The following PIGN variants were observed in gnomAD, a reference collection of about 807,000 sequenced individuals.
PIGN encodes the protein phosphatidylinositol glycan anchor biosynthesis class N.
A neutral mutation model predicts 125.4 loss-of-function variants in PIGN; 117 were observed. The ratio of observed to expected loss-of-function variants is 0.93; its 90% CI spans 0.80 to 1.09. PIGN has a LOEUF of 1.09. PIGN is among the 50% of genes least tolerant of loss of function. PIGN has a pLI of 0.00. For missense variants in PIGN, 1,075 were observed against 1,094.9 expected (o/e 0.98, Z 0.26); for synonymous variants, 392 against 377.8 (o/e 1.04, Z -0.44).
chr18:62,070,230 C>T (rs906471860), intron 30 of PIGN: 6 of 393,652 alleles, frequency 1.5e-5, no homozygotes, highest in Admixed American at 8.8e-5. Flanking sequence ...CAAACCCAGG[C>T]GCTCTGGTTT....
chr18:62,135,970 A>C (rs1285420920), intron 14 of PIGN: 4 of 152,188 alleles, frequency 2.6e-5, no homozygotes. Flanking sequence ...ATTTGGTTAT[A>C]GTTTGCCTGT....
chr18:62,139,005 A>G lies in PIGN; in HGVS notation c.1094T>C (p.Val365Ala), dbSNP rs765092372. The change falls in exon 13 of 31, where the codon GTA becomes GCA. Residue 365 changes from valine (V) to alanine (A), a missense_variant. Transcript: ENST00000640252. The stretch of plus-strand genomic sequence containing the variant: ...TACCTTGAACTGTTCAAGAATCTGT[A>G]CTGCATTTGTAAACATGCTCTCTGC... The part of the protein sequence containing the change: ...FKAESMFTNA[V>A]QILEQFKVKM... 1.6e-5 allele frequency: 26 copies of G among 1,607,344 alleles called. No homozygotes were observed. The South Asian group carries it at 2.9e-4, about 18-fold the overall frequency.
chr18:62,157,147 G>A lies in PIGN; in HGVS notation c.424C>T (p.Leu142=). Residue 142 remains leucine, a synonymous_variant, in exon 6 of 31, where the codon CTG becomes TTG. Transcript: ENST00000640252. ...CTCTTACCTTTGGCAAACATAGGCAGGATATCTGGGCTTCCCCAGCTCCAT... is the reference window on the plus strand; with the variant it reads ...CTCTTACCTTTGGCAAACATAGGCAAGATATCTGGGCTTCCCCAGCTCCAT... ...YTWSWGSPDI[L]PMFAKGASGD... is the part of the protein sequence containing the mutation. 1.3e-6 allele frequency: 2 copies of A among 1,599,800 alleles called. No individual in the cohort carries two copies. Among genetic ancestry groups the A allele is most frequent in the Non-Finnish European group, 1.7e-6 (2 of 1,169,152 alleles).
rs566745251 is a variant in PIGN, at chr18:62,077,745, T to C, written c.2577-2924A>G. Among the ~76,000 whole-genome samples, 98 of 152,316 alleles carry C rather than the reference T, an allele frequency of 6.4e-4. No homozygotes were observed. The Middle Eastern group carries it at 0.048, about 74-fold the overall frequency. On this transcript the variant is annotated intron_variant, in intron 28 of 30. Transcript: ENST00000640252. ...GCTTTAAATGAAATTAAAGATATAA[T>C]CTCTCCCCTTATGGAGTTCACAAGG... is the stretch of plus-strand genomic sequence containing the variant.
At chr18:62,084,733 T>C (rs937086909) in intron 26 of PIGN, 127 bp from the exon 27 acceptor site, 2 of 691,538 alleles carry the variant, frequency 2.9e-6, no homozygotes, top group Non-Finnish European at 5.1e-6. Context: ...AAACATCATA[T>C]TATGAAGCCA....
chr18:62,120,402 GTC>G lies in PIGN; in HGVS notation c.1173-5765_1173-5764del, dbSNP rs2035258117. ...TTCAAACAAATAACAACAGAAAAAT[GTC>G]TTTCACTGGCAAATACCCTTGAAAA... On this transcript the variant is annotated intron_variant, in intron 14 of 30. Transcript: ENST00000640252. 1.3e-5 allele frequency among the ~76,000 whole-genome samples: 2 copies of G among 152,034 alleles called. 1 individual carries two copies. The highest frequency in any genetic ancestry group is 4.1e-4 in the South Asian group (2 of 4,820).
chr18:62,100,718 T>C (rs1247988638), intron 22 of PIGN, among the ~76,000 whole-genome samples: 1 of 152,208 alleles, frequency 6.6e-6, no homozygotes, highest in East Asian at 1.9e-4. Context: ...ATTTAAACAT[T>C]TCCCAGTCCC....
At position 62,077,577 on chromosome 18, in the gene PIGN, T is replaced by C. The variant is rs774999872; in HGVS notation, c.2577-2756A>G. 7.9e-5 allele frequency among the ~76,000 whole-genome samples: 12 copies of C among 152,336 alleles called. No individual in the cohort carries two copies. In the South Asian group the frequency reaches 8.3e-4, roughly 11 times the overall value. ...GTCTTAGCCTCAGTTTCCTTATCTA[T>C]AAAATGGTTGTAATAATATCTATAT... is the stretch of plus-strand genomic sequence containing the variant. On this transcript the variant is annotated intron_variant, in intron 28 of 30. Transcript: ENST00000640252.
Position 62,072,668 on chromosome 18 carries a change from T to C in PIGN, c.2672+5A>G. 1 of 1,601,916 alleles carries C rather than the reference T, an allele frequency of 6.2e-7. No homozygotes were observed. The highest frequency in any genetic ancestry group is 1.1e-5 in the South Asian group (1 of 89,282). On this transcript the variant is annotated splice_donor_5th_base_variant and intron_variant, in intron 30 of 30. Coordinates refer to ENST00000640252, the MANE Select transcript of PIGN (RefSeq NM_176787.5). ...TTAAGCAATGCATGACCATATATAC[T>C]ATACCTTGTCCCAATATCAAGCCAG... is the stretch of plus-strand genomic sequence containing the variant.
intron 14 of PIGN, among the ~76,000 whole-genome samples, chr18:62,130,205 T>C (rs1473687412): frequency 1.3e-5 from 2 of 152,178 alleles, no homozygotes; most frequent in African/African-American, 4.8e-5. Flanking sequence ...TCTAGAACTG[T>C]GAAAGAATGT....
chr18:62,058,677 C>A (rs142909280), intron 30 of PIGN: 1 of 152,316 alleles, frequency 6.6e-6, no homozygotes, highest in African/African-American at 2.4e-5. Flanking sequence ...CAAACTGAGA[C>A]ACTGAATTAT....
At chr18:62,094,384 T>A (rs17713775) in intron 23 of PIGN, among the ~76,000 whole-genome samples, 25,726 of 152,168 alleles carry the variant, frequency 0.17, 2,936 homozygotes, top group Middle Eastern at 0.28. Context: ...TTAGTACATA[T>A]TTCTGGACGC....
chr18:62,142,307 G>A (rs1225572475), intron 11 of PIGN, among the ~76,000 whole-genome samples: 1 of 152,176 alleles, frequency 6.6e-6, no homozygotes, highest in Non-Finnish European at 1.5e-5. Context: ...TTTGAAGCAG[G>A]AGTGTTTGCC....
chr18:62,068,605 G>A (rs113754928), intron 30 of PIGN, among the ~76,000 whole-genome samples: 2,524 of 152,176 alleles, frequency 0.017, 25 homozygotes, highest in Non-Finnish European at 0.023. Flanking sequence ...GCTCAACAAC[G>A]TCCTCTGCCA....
Position 62,148,327 on chromosome 18 carries a change from A to G in PIGN, c.561T>C (p.His187=). Reference sequence around the variant, plus strand: ...ACAAAGACTGGTTGTTTCTGGCATGATGAAAGAAGTCCTACATATAACAAA... The same window carrying G: ...ACAAAGACTGGTTGTTTCTGGCATGGTGAAAGAAGTCCTACATATAACAAA... ...WVFDNVKDFF[H]HARNNQSLFS... The change falls in exon 8 of 31, where the codon CAT becomes CAC. Residue 187 remains histidine (H), a synonymous_variant. Transcript: ENST00000640252. 2 of 1,515,204 alleles carry G rather than the reference A, an allele frequency of 1.3e-6. No homozygotes were observed. Among genetic ancestry groups the G allele is most frequent in the South Asian group, 2.6e-5 (2 of 77,984 alleles). The allele number at this position is 1,515,204 out of a possible 1,614,324, so 93.9% of individuals were successfully genotyped here.
rs534149024 is a variant in PIGN at position 62,173,334 on chromosome 18, A to G, written c.-235-9678T>C. 3.9e-5 allele frequency among the ~76,000 whole-genome samples: 6 copies of G among 152,246 alleles called. 1 individual carries two copies. In the South Asian group the frequency reaches 1.2e-3, roughly 32 times the overall value. ...ACAGCACAATTTCCGAGCCTCAGACAATCCTCCCACCTCAGCCTCCCTAGT... is the reference window on the plus strand; with the variant it reads ...ACAGCACAATTTCCGAGCCTCAGACGATCCTCCCACCTCAGCCTCCCTAGT... On this transcript the variant is annotated intron_variant, in intron 1 of 30. Coordinates refer to ENST00000640252, the MANE Select transcript of PIGN (RefSeq NM_176787.5).
At chr18:62,090,453 C>T (rs764078242) in intron 24 of PIGN, 23 bp downstream of exon 24, 1 of 1,441,198 alleles carries the variant, frequency 6.9e-7, no homozygotes, top group Admixed American at 1.7e-5. Flanking sequence ...CAAATAAAAA[C>T]AAAAATGACT....
chr18:62,020,619 A>G (rs2030041320), intron 23 of PIGN, among the ~76,000 whole-genome samples: 1 of 152,062 alleles, frequency 6.6e-6, no homozygotes, highest in Non-Finnish European at 1.5e-5. Flanking sequence ...TAAAACTACA[A>G]TGAGATACTC....
chr18:62,155,006 CAT>C (rs768966876), intron 6 of PIGN, among the ~76,000 whole-genome samples: 1 of 152,108 alleles, frequency 6.6e-6, no homozygotes, highest in Non-Finnish European at 1.5e-5. Context: ...CTATTCAAAA[CAT>C]GTGTGCCCCT....
Sources: allele counts gnomAD v4.1 joint callset (sites outside exome capture counted in the v4.1 genomes callset), GRCh38; gene constraint gnomAD v4.1.1; transcripts MANE v1.5; gene names NCBI Gene and HGNC (gene_info 2026-07-23, HGNC 2026-07-21).